ACYP2: variants seen among roughly 807,000 people sequenced by gnomAD.
ACYP2 encodes acylphosphatase-2.
ACYP2 carries 12 observed loss-of-function variants against 11.2 expected under a neutral mutation model. The ratio of observed to expected loss-of-function variants is 1.08; its 90% CI spans 0.69 to 1.74. The LOEUF is 1.74. ACYP2 is among the 40% of genes most tolerant of loss of function. The pLI is 0.00. For missense variants in ACYP2, 134 were observed against 101.9 expected (o/e 1.31, Z -1.35); for synonymous variants, 43 against 32.2 (o/e 1.33, Z -1.13).
intron 2 of ACYP2, among the ~76,000 whole-genome samples, chr2:54,038,267 A>G (rs1675016865): frequency 6.6e-6 from 1 of 152,178 alleles, no homozygotes; most frequent in African/African-American, 2.4e-5. Context: ...ATTCACATTA[A>G]GTTCAGCTTC....
At chr2:54,161,662 T>TA (rs2103830096) in intron 6 of ACYP2, among the ~76,000 whole-genome samples, 1 of 152,340 alleles carries the variant, frequency 6.6e-6, no homozygotes, top group African/African-American at 2.4e-5. Context: ...CTGCCAAATT[T>TA]TTAGAAGAAA....
chr2:54,246,708 A>G (rs987520433), intron 6 of ACYP2, among the ~76,000 whole-genome samples: 4 of 152,030 alleles, frequency 2.6e-5, no homozygotes, highest in Admixed American at 6.6e-5. Context: ...TAGTAATTGT[A>G]TTGTCTAATA....
intron 6 of ACYP2, among the ~76,000 whole-genome samples, chr2:54,179,779 T>TG (rs1683626642): frequency 6.6e-6 from 1 of 152,174 alleles, no homozygotes; most frequent in South Asian, 2.1e-4. Flanking sequence ...ACCTGTATCT[T>TG]GTGCTGACCT....
At chr2:54,241,877 G>A (rs1686744313) in intron 6 of ACYP2, among the ~76,000 whole-genome samples, 1 of 152,164 alleles carries the variant, frequency 6.6e-6, no homozygotes, top group Non-Finnish European at 1.5e-5. Context: ...GCTGGGCGTG[G>A]TGGCAGGCAC....
intron 2 of ACYP2, among the ~76,000 whole-genome samples, chr2:53,978,424 T>A (rs1009216166): frequency 1.3e-5 from 2 of 152,186 alleles, no homozygotes; most frequent in Non-Finnish European, 2.9e-5. Context: ...ATGTACAGCA[T>A]AATGATGTTT....
At chr2:54,156,567 T>A (rs1682441411) in intron 6 of ACYP2, among the ~76,000 whole-genome samples, 1 of 152,232 alleles carries the variant, frequency 6.6e-6, no homozygotes, top group Non-Finnish European at 1.5e-5. Flanking sequence ...TCCAGGTCCA[T>A]CCACGTCCCT....
At chr2:54,065,126 T>TAAATAA (rs1676678466) in intron 4 of ACYP2, among the ~76,000 whole-genome samples, 1 of 145,758 alleles carries the variant, frequency 6.9e-6, no homozygotes, top group African/African-American at 2.6e-5. Flanking sequence ...TAAATAAATA[T>TAAATAA]AGAGGGACCA....
At chr2:54,288,286 C>G (rs766549658) in intron 6 of ACYP2, among the ~76,000 whole-genome samples, 1 of 151,978 alleles carries the variant, frequency 6.6e-6, no homozygotes, top group East Asian at 1.9e-4. Flanking sequence ...CAAGGCATAT[C>G]CTCCATATAG....
chr2:54,169,403 C>A (rs1656880778), intron 6 of ACYP2, among the ~76,000 whole-genome samples: 1 of 152,158 alleles, frequency 6.6e-6, no homozygotes, highest in Non-Finnish European at 1.5e-5. Flanking sequence ...CACATGCTCA[C>A]CTTCGTTTGG....
chr2:54,107,449 T>C (rs1679225661), intron 4 of ACYP2, among the ~76,000 whole-genome samples: 3 of 152,356 alleles, frequency 2.0e-5, no homozygotes, highest in South Asian at 4.1e-4. Flanking sequence ...TGCTCCTCTA[T>C]TGACAGAAAG....
intron 4 of ACYP2, among the ~76,000 whole-genome samples, chr2:54,088,158 C>T (rs1678037673): frequency 6.6e-6 from 1 of 152,140 alleles, no homozygotes; most frequent in African/African-American, 2.4e-5. Context: ...CTAGTGGAGC[C>T]AAAAGCGTGT....
rs1236130436 is a variant in ACYP2 at position 53,997,545 on chromosome 2, A to T, written c.62+23735A>T. 3.0e-5 allele frequency among the ~76,000 whole-genome samples: 4 copies of T among 135,364 alleles called. No homozygotes were observed. The East Asian group carries it at 7.4e-4, about 25-fold the overall frequency. The allele number at this position is 135,364 out of a possible 152,430, so 88.8% of individuals were successfully genotyped here. A position where few individuals can be genotyped will look rare whatever the true frequency, so the allele number is the denominator to read the frequency against. Reference sequence around the variant, plus strand: ...GATCTCGAACTCCTGACCTCAGGTGATCCACTCTCCTCGGCCTCCCAAAGT... The same window carrying T: ...GATCTCGAACTCCTGACCTCAGGTGTTCCACTCTCCTCGGCCTCCCAAAGT... On this transcript the variant is annotated intron_variant, in intron 2 of 6. Coordinates refer to ENST00000607452, the MANE Select transcript of ACYP2 (RefSeq NM_001320586.2).
intron 6 of ACYP2, among the ~76,000 whole-genome samples, chr2:54,230,554 C>T (rs1037608242): frequency 1.3e-5 from 2 of 151,950 alleles, no homozygotes; most frequent in African/African-American, 2.4e-5. Context: ...TTAGTAGAGA[C>T]GGGGTTTCTC....
At chr2:54,264,714 G>A (rs1044772464) in intron 6 of ACYP2, among the ~76,000 whole-genome samples, 4 of 152,186 alleles carry the variant, frequency 2.6e-5, no homozygotes, top group African/African-American at 9.7e-5. Flanking sequence ...ATAAATTTAG[G>A]TGGTGAGTTG....
intron 3 of ACYP2, among the ~76,000 whole-genome samples, chr2:54,052,889 G>A (rs1215118034): frequency 6.6e-6 from 1 of 152,212 alleles, no homozygotes; most frequent in African/African-American, 2.4e-5. Flanking sequence ...TGTATGGAGT[G>A]CTTTCCCCAG....
rs572047440 is a variant in ACYP2, at chr2:54,084,964, G to A, written c.277+27604G>A. 2.0e-5 allele frequency: 3 copies of A among 152,268 alleles called. No homozygotes were observed. In the East Asian group the frequency reaches 5.8e-4, roughly 29 times the overall value. The allele number at this position is 152,268 out of a possible 1,614,324, so 9.4% of individuals were successfully genotyped here. On this transcript the variant is annotated intron_variant, in intron 4 of 6. Coordinates refer to ENST00000607452, the MANE Select transcript of ACYP2 (RefSeq NM_001320586.2). ...GTGATGATGGTAATGTGATAATGTA[G>A]GTGAATGTTCTTATTTTTAGGTGAG...
intron 2 of ACYP2, among the ~76,000 whole-genome samples, chr2:53,999,308 A>G (rs1254040033): frequency 6.6e-6 from 1 of 152,180 alleles, no homozygotes; most frequent in African/African-American, 2.4e-5. Context: ...GAGAGCAACA[A>G]GATTCACAGG....
intron 6 of ACYP2, among the ~76,000 whole-genome samples, chr2:54,211,929 T>G (rs1685345104): frequency 6.6e-6 from 1 of 152,216 alleles, no homozygotes; most frequent in South Asian, 2.1e-4. Flanking sequence ...TCTCTTTTTT[T>G]CTGACTTATT....
intron 2 of ACYP2, among the ~76,000 whole-genome samples, chr2:54,011,748 TA>T (rs1417240087): frequency 1.4e-5 from 2 of 146,368 alleles, no homozygotes; most frequent in East Asian, 4.0e-4. Flanking sequence ...TTTTTTTTTT[TA>T]ATCTAATCTT....
Sources: gnomAD v4.1 joint callset for allele counts (sites outside exome capture counted in the v4.1 genomes callset) on GRCh38, gnomAD v4.1.1 for gene constraint, MANE v1.5 for transcripts, NCBI Gene and HGNC (gene_info 2026-07-23, HGNC 2026-07-21) for gene names.